MGAT4C: variants seen among roughly 807,000 people sequenced by gnomAD.
MGAT4C encodes alpha-1,3-mannosyl-glycoprotein 4-beta-N-acetylglucosaminyltransferase C.
Under a neutral mutation model 40.1 loss-of-function variants are expected in MGAT4C, and 19 were observed. The ratio of observed to expected loss-of-function variants is 0.47; its 90% CI spans 0.33 to 0.70. The LOEUF (loss-of-function observed/expected upper bound fraction) is 0.70. Ranked by LOEUF, MGAT4C falls within the 30% of genes least tolerant of loss-of-function variation. The pLI is 0.02. For missense variants in MGAT4C, 491 were observed against 563.2 expected (o/e 0.87, Z 1.30); for synonymous variants, 181 against 187.1 (o/e 0.97, Z 0.27).
intron 4 of MGAT4C, among the ~76,000 whole-genome samples, chr12:86,264,665 G>A (rs1298473968): frequency 6.6e-6 from 1 of 152,176 alleles, no homozygotes; most frequent in Admixed American, 6.5e-5. Flanking sequence ...CCCGCCTCCT[G>A]GGGTGCAGCT....
chr12:86,199,197 T>C (rs1949940052), intron 1 of MGAT4C, among the ~76,000 whole-genome samples: 1 of 152,118 alleles, frequency 6.6e-6, no homozygotes, highest in African/African-American at 2.4e-5. Context: ...ATAGGAACCA[T>C]ATCAGTGACA....
intron 3 of MGAT4C, among the ~76,000 whole-genome samples, chr12:86,366,347 G>A (rs549662142): frequency 1.2e-3 from 181 of 152,198 alleles, no homozygotes; most frequent in African/African-American, 3.9e-3. Context: ...TTTTGACTTC[G>A]TCTTTTCCTA....
intron 2 of MGAT4C, among the ~76,000 whole-genome samples, chr12:86,040,692 T>C (rs1422990548): frequency 6.6e-6 from 1 of 151,900 alleles, no homozygotes; most frequent in African/African-American, 2.4e-5. Context: ...TCACTAGCAT[T>C]CTGGGCACCA....
intron 2 of MGAT4C, among the ~76,000 whole-genome samples, chr12:86,510,485 T>A (rs1166096804): frequency 6.6e-6 from 1 of 152,060 alleles, no homozygotes; most frequent in Non-Finnish European, 1.5e-5. Context: ...AATTCACACA[T>A]AACAATATTA....
chr12:86,349,898 A>C (rs938321055), intron 3 of MGAT4C, among the ~76,000 whole-genome samples: 3 of 152,012 alleles, frequency 2.0e-5, no homozygotes, highest in Non-Finnish European at 4.4e-5. Context: ...ATGTAAATAT[A>C]ATTTATTCCA....
intron 1 of MGAT4C, among the ~76,000 whole-genome samples, chr12:86,102,541 T>C (rs1382239691): frequency 6.6e-6 from 1 of 152,080 alleles, no homozygotes; most frequent in African/African-American, 2.4e-5. Context: ...AAGTTCATAT[T>C]AGGCCATCAA....
chr12:86,301,533 G>T (rs1004310737), intron 4 of MGAT4C, among the ~76,000 whole-genome samples: 18 of 152,108 alleles, frequency 1.2e-4, no homozygotes, highest in Non-Finnish European at 2.1e-4. Flanking sequence ...TTACATTTGT[G>T]TTCTTCTCAC....
At chr12:86,809,559 T>A (rs927298296) in intron 1 of MGAT4C, among the ~76,000 whole-genome samples, 6 of 151,352 alleles carry the variant, frequency 4.0e-5, no homozygotes, top group South Asian at 4.2e-4. Flanking sequence ...TCCTATTTTT[T>A]AAAAAAAAAT....
intron 2 of MGAT4C, among the ~76,000 whole-genome samples, chr12:86,679,508 C>T (rs1169006910): frequency 6.6e-6 from 1 of 151,822 alleles, no homozygotes; most frequent in Non-Finnish European, 1.5e-5. Context: ...ATTGTTCTTT[C>T]TTTAGGGACT....
intron 2 of MGAT4C, among the ~76,000 whole-genome samples, chr12:86,606,181 G>A (rs957694355): frequency 5.3e-5 from 8 of 152,000 alleles, no homozygotes; most frequent in Non-Finnish European, 8.8e-5. Flanking sequence ...ATTTTTTGAC[G>A]CATGGGGATT....
At chr12:86,770,036 A>G (rs935718815) in intron 1 of MGAT4C, among the ~76,000 whole-genome samples, 1 of 152,050 alleles carries the variant, frequency 6.6e-6, no homozygotes, top group African/African-American at 2.4e-5. Context: ...AAAAAGAATG[A>G]CATTATTAGC....
chr12:86,807,031 T>A (rs28880574), intron 1 of MGAT4C, among the ~76,000 whole-genome samples: 50,628 of 149,188 alleles, frequency 0.34, 9,564 homozygotes, highest in Admixed American at 0.47. Context: ...AAATAAAAAA[T>A]AAATAAATAA....
chr12:86,549,997 C>A (rs1310295323), intron 2 of MGAT4C, among the ~76,000 whole-genome samples: 4 of 152,128 alleles, frequency 2.6e-5, no homozygotes, highest in Admixed American at 6.5e-5. Flanking sequence ...GTAATCCCCA[C>A]CTGTCCAGGG....
intron 3 of MGAT4C, among the ~76,000 whole-genome samples, chr12:86,427,596 T>C (rs1039746632): frequency 1.3e-5 from 2 of 152,118 alleles, no homozygotes; most frequent in African/African-American, 2.4e-5. Context: ...ACATCCTTAG[T>C]AGTCACATTC....
At chr12:86,528,499 T>C (rs1958923070) in intron 2 of MGAT4C, among the ~76,000 whole-genome samples, 1 of 152,088 alleles carries the variant, frequency 6.6e-6, no homozygotes, top group African/African-American at 2.4e-5. Context: ...ATATACTGTA[T>C]ATAAATGTAA....
chr12:86,133,827 AT>A (rs1295728395), intron 1 of MGAT4C, among the ~76,000 whole-genome samples: 1 of 152,122 alleles, frequency 6.6e-6, no homozygotes, highest in Non-Finnish European at 1.5e-5. Context: ...GACCTTTTGG[AT>A]GACACATATT....
chr12:86,046,626 C>T (rs1309544199), intron 2 of MGAT4C, among the ~76,000 whole-genome samples: 2 of 152,156 alleles, frequency 1.3e-5, no homozygotes, highest in African/African-American at 4.8e-5. Context: ...CTGTTGTAAG[C>T]TATTAAGTCA....
rs953334122 is a variant in MGAT4C, at chr12:85,958,946, T to TA, written c.*20342dup. 70 of 151,536 alleles carry TA rather than the reference T, an allele frequency of 4.6e-4. No individual in the cohort carries two copies. Among genetic ancestry groups the TA allele is most frequent in the Admixed American group, 6.6e-4 (10 of 15,162 alleles). 9.4% of individuals were successfully genotyped at this position (151,536 alleles called of 1,614,324 possible). A position where few individuals can be genotyped will look rare whatever the true frequency, so the allele number is the denominator to read the frequency against. On this transcript the variant is annotated 3_prime_UTR_variant, in exon 5 of 5. Transcript: ENST00000611864. Reference sequence around the variant, plus strand: ...ACTTATCTTCCTGGCATTTTTGAAATAAAAAAAATACAAGTGCATAGGGCA... The same window carrying TA: ...ACTTATCTTCCTGGCATTTTTGAAATAAAAAAAAATACAAGTGCATAGGGCA...
chr12:86,111,442 T>C (rs1698756), intron 1 of MGAT4C, among the ~76,000 whole-genome samples: 93,474 of 151,594 alleles, frequency 0.62, 29,427 homozygotes, highest in East Asian at 0.93. Context: ...TGGCTCATTA[T>C]GTTTGAAGTT....
Sources: allele counts gnomAD v4.1 joint callset (sites outside exome capture counted in the v4.1 genomes callset), GRCh38; gene constraint gnomAD v4.1.1; transcripts MANE v1.5; gene names NCBI Gene and HGNC (gene_info 2026-07-23, HGNC 2026-07-21).